The following SLCO3A1 variants were observed in gnomAD, a reference collection of about 807,000 sequenced individuals.
The protein encoded by SLCO3A1 is PGE1 transporter.
A neutral mutation model predicts 63.1 loss-of-function variants in SLCO3A1; 27 were observed. That is an observed-to-expected ratio of 0.43 (90% CI 0.32 to 0.59). SLCO3A1 has a LOEUF of 0.59. Among genes scored for constraint, SLCO3A1 ranks in the 20% least tolerant of loss-of-function variants. SLCO3A1 has a pLI of 0.09. For synonymous variants in SLCO3A1, 473 were observed against 409.9 expected (o/e 1.15, Z -1.86); for missense variants, 773 against 945.8 (o/e 0.82, Z 2.40).
chr15:92,020,684 C>T (rs1224688627), intron 2 of SLCO3A1, among the ~76,000 whole-genome samples: 2 of 152,202 alleles, frequency 1.3e-5, no homozygotes, highest in Admixed American at 1.3e-4. Context: ...AGAAAGCTGG[C>T]TCTGAGGGTC....
chr15:92,099,266 C>A (rs1422192507), intron 3 of SLCO3A1, among the ~76,000 whole-genome samples: 1 of 152,210 alleles, frequency 6.6e-6, no homozygotes, highest in African/African-American at 2.4e-5. Flanking sequence ...CTGCTAGATT[C>A]CTTCATTTTG....
chr15:92,153,342 T>C (rs1370665552), intron 9 of SLCO3A1, among the ~76,000 whole-genome samples: 1 of 152,220 alleles, frequency 6.6e-6, no homozygotes, highest in African/African-American at 2.4e-5. Context: ...AAAAAGTTGG[T>C]TGTGACCCAC....
intron 1 of SLCO3A1, among the ~76,000 whole-genome samples, chr15:91,902,134 A>T (rs1229941449): frequency 2.6e-5 from 4 of 151,698 alleles, no homozygotes; most frequent in African/African-American, 9.7e-5. Flanking sequence ...TGTTTCATTT[A>T]TTATACTTTT....
chr15:92,090,373 C>G (rs546523501), intron 2 of SLCO3A1, among the ~76,000 whole-genome samples: 78 of 152,278 alleles, frequency 5.1e-4, no homozygotes, highest in African/African-American at 1.8e-3. Flanking sequence ...AATGGTGTCC[C>G]AGCACAGTCT....
At chr15:92,071,547 C>A (rs377477147) in intron 2 of SLCO3A1, among the ~76,000 whole-genome samples, 5 of 152,200 alleles carry the variant, frequency 3.3e-5, no homozygotes, top group Non-Finnish European at 7.3e-5. Context: ...TCACCCATCT[C>A]GGAATAATTG....
intron 2 of SLCO3A1, among the ~76,000 whole-genome samples, chr15:92,073,075 C>T (rs984991604): frequency 2.0e-5 from 3 of 152,122 alleles, no homozygotes; most frequent in African/African-American, 7.2e-5. Flanking sequence ...GTAAGCCATG[C>T]ACCAAGGATC....
intron 2 of SLCO3A1, among the ~76,000 whole-genome samples, chr15:92,011,958 CT>C (rs1430793395): frequency 6.6e-6 from 1 of 152,224 alleles, no homozygotes; most frequent in Non-Finnish European, 1.5e-5. Context: ...ACTGCTGCTT[CT>C]GAGTAAACTT....
intron 1 of SLCO3A1, among the ~76,000 whole-genome samples, chr15:91,884,239 A>G (rs367801357): frequency 4.6e-5 from 7 of 152,270 alleles, no homozygotes; most frequent in African/African-American, 1.7e-4. Flanking sequence ...GCTGGGTGCA[A>G]TGGCTTACGC....
At chr15:92,131,631 G>C (rs900491946) in intron 7 of SLCO3A1, among the ~76,000 whole-genome samples, 1 of 145,662 alleles carries the variant, frequency 6.9e-6, no homozygotes, top group African/African-American at 2.5e-5. Context: ...GCCTCCCAAA[G>C]TGCTGGGATT....
At chr15:92,053,417 C>A (rs922778404) in intron 2 of SLCO3A1, among the ~76,000 whole-genome samples, 2 of 152,210 alleles carry the variant, frequency 1.3e-5, no homozygotes, top group Non-Finnish European at 2.9e-5. Flanking sequence ...TTTGTCACAA[C>A]CGATGACCAG....
rs922403868 is a variant in SLCO3A1, at chr15:91,860,142, A to G, written c.180+6054A>G. Among the ~76,000 whole-genome samples the G allele has an allele frequency of 1.3e-5, 2 of 152,182 alleles. No homozygotes were observed. The highest frequency in any genetic ancestry group is 2.9e-5 in the Non-Finnish European group (2 of 68,024). On this transcript the variant is annotated intron_variant, in intron 1 of 9. Transcript: ENST00000318445. The surrounding 1 kb of genome is among the most constrained non-coding windows in gnomAD (Gnocchi z 5.5). ...ATGGGTACTTGAAGGAGGTTAAAGC[A>G]GGGCAGGCAGGACTGGCTGGGCGGG...
intron 9 of SLCO3A1, 192 bp from the exon 10 acceptor site, chr15:92,162,564 C>A: frequency 3.5e-6 from 3 of 865,086 alleles, no homozygotes; most frequent in Non-Finnish European, 5.1e-6. Flanking sequence ...AAATAACTTG[C>A]TCAGATTTGT....
rs1897075956 is a variant in SLCO3A1 at position 91,862,642 on chromosome 15, A to G, written c.180+8554A>G. Among the ~76,000 whole-genome samples the G allele has an allele frequency of 1.3e-5, 2 of 152,192 alleles. No individual in the cohort carries two copies. Among genetic ancestry groups the G allele is most frequent in the Admixed American group, 6.5e-5 (1 of 15,292 alleles). On this transcript the variant is annotated intron_variant, in intron 1 of 9. Transcript: ENST00000318445. This position sits in a 1 kb window ranked among gnomAD's most constrained non-coding sequence, Gnocchi z 4.0. ...TCCGTCCATTGATACCTAAATTTCTAGTTGTGCAGAGCGTGAAGAAATGAG... is the reference window on the plus strand; with the variant it reads ...TCCGTCCATTGATACCTAAATTTCTGGTTGTGCAGAGCGTGAAGAAATGAG...
At chr15:92,153,831 G>A (rs1238166845) in intron 9 of SLCO3A1, among the ~76,000 whole-genome samples, 1 of 152,164 alleles carries the variant, frequency 6.6e-6, no homozygotes, top group African/African-American at 2.4e-5. Flanking sequence ...AGCATGTTTG[G>A]GGGCTGCAGA....
At chr15:92,169,078 A>G (rs1025565176), downstream of SLCO3A1, among the ~76,000 whole-genome samples, 5 of 152,222 alleles carry the variant, frequency 3.3e-5, no homozygotes, top group Non-Finnish European at 5.9e-5. Flanking sequence ...AATAGTAGCT[A>G]ACATTTCTCA....
intron 1 of SLCO3A1, among the ~76,000 whole-genome samples, chr15:91,914,578 T>TTC (rs1233026673): frequency 1.3e-4 from 20 of 150,180 alleles, no homozygotes. Flanking sequence ...TTTTTTTTTT[T>TTC]TTTTTTTTGG....
intron 2 of SLCO3A1, among the ~76,000 whole-genome samples, chr15:92,070,520 G>A (rs1006817287): frequency 3.9e-5 from 6 of 152,136 alleles, no homozygotes; most frequent in African/African-American, 1.4e-4. Context: ...ACGCATGCCT[G>A]TAATCCCAGC....
chr15:92,142,613 C>G (rs1032920105), intron 7 of SLCO3A1, among the ~76,000 whole-genome samples: 6 of 152,184 alleles, frequency 3.9e-5, no homozygotes, highest in African/African-American at 1.2e-4. Flanking sequence ...ACATTCAAAC[C>G]ACGCACTGCT....
rs534701561 is a variant in SLCO3A1, at chr15:92,020,858, G to A, written c.647-74023G>A. The stretch of plus-strand genomic sequence containing the variant: ...CCAAAAACAGATATTCTTCCAAGCC[G>A]ACTTAGAAATATTTTTAATCATTAC... On this transcript the variant is annotated intron_variant, in intron 2 of 9. Coordinates refer to ENST00000318445, the MANE Select transcript of SLCO3A1 (RefSeq NM_013272.4). 5.9e-5 allele frequency among the ~76,000 whole-genome samples: 9 copies of A among 152,340 alleles called. No individual in the cohort carries two copies. The South Asian group carries it at 1.4e-3, about 25-fold the overall frequency.
Sources: allele counts gnomAD v4.1 joint callset (sites outside exome capture counted in the v4.1 genomes callset), GRCh38; gene constraint gnomAD v4.1.1; non-coding constraint Gnocchi (gnomAD v3.1); transcripts MANE v1.5; gene names NCBI Gene and HGNC (gene_info 2026-07-23, HGNC 2026-07-21).